UNC5D: variants seen among roughly 807,000 people sequenced by gnomAD.
UNC5D encodes netrin receptor UNC5D.
In UNC5D, 39 loss-of-function variants were observed where a neutral mutation model predicts 105.4. The observed-to-expected ratio is 0.37, with a 90% confidence interval of 0.29 to 0.48. UNC5D has a LOEUF of 0.48. Among genes scored for constraint, UNC5D ranks in the 20% least tolerant of loss-of-function variants. The probability of loss-of-function intolerance (pLI) is 0.98; values close to 1 mark genes in which losing one functional copy is unlikely to be tolerated. For missense variants in UNC5D, 991 were observed against 1,202.4 expected (o/e 0.82, Z 2.60); for synonymous variants, 452 against 450.4 (o/e 1.00, Z -0.04).
intron 1 of UNC5D, among the ~76,000 whole-genome samples, chr8:35,423,318 T>C (rs1269626049): frequency 1.3e-5 from 2 of 152,182 alleles, no homozygotes; most frequent in Non-Finnish European, 2.9e-5. Context: ...GGTTCTGCCC[T>C]ACAGATGCTG....
chr8:35,453,867 C>G (rs1444767031), intron 1 of UNC5D, among the ~76,000 whole-genome samples: 1 of 152,108 alleles, frequency 6.6e-6, no homozygotes, highest in East Asian at 1.9e-4. Flanking sequence ...AACCTCCTGC[C>G]CACACTCAGT....
chr8:35,461,280 G>A (rs574714922), intron 1 of UNC5D, among the ~76,000 whole-genome samples: 1 of 152,160 alleles, frequency 6.6e-6, no homozygotes, highest in African/African-American at 2.4e-5. Context: ...CTGTTGATGA[G>A]CTGGGGGCCT....
intron 14 of UNC5D, among the ~76,000 whole-genome samples, chr8:35,763,703 T>C (rs1229977673): frequency 6.6e-6 from 1 of 152,166 alleles, no homozygotes; most frequent in East Asian, 1.9e-4. Flanking sequence ...TTACTTTCAT[T>C]GAAGTGCATA....
At chr8:35,283,896 C>T (rs1806388335) in intron 1 of UNC5D, among the ~76,000 whole-genome samples, 1 of 152,134 alleles carries the variant, frequency 6.6e-6, no homozygotes, top group African/African-American at 2.4e-5. Flanking sequence ...TCAAAGTTCC[C>T]CACATAATTC....
At chr8:35,498,084 C>CAAAAAAAAAAAAAAA (rs58175711) in intron 1 of UNC5D, among the ~76,000 whole-genome samples, 18 of 58,190 alleles carry the variant, frequency 3.1e-4, no homozygotes, top group Non-Finnish European at 7.1e-4. Flanking sequence ...CAAAACAAAA[C>CAAAAAAAAAAAAAAA]AAAAAAAAAA....
chr8:35,549,599 C>A, intron 2 of UNC5D, 89 bp downstream of exon 2: 2 of 1,269,116 alleles, frequency 1.6e-6, no homozygotes, highest in Non-Finnish European at 2.2e-6. Context: ...AAATCACCCC[C>A]CATTGCCTTG....
chr8:35,744,200 G>C (rs35179102), intron 11 of UNC5D, among the ~76,000 whole-genome samples: 2,391 of 152,308 alleles, frequency 0.016, 26 homozygotes, highest in Non-Finnish European at 0.024. Flanking sequence ...GAATGTCACA[G>C]AAGTGACGCT....
intron 1 of UNC5D, among the ~76,000 whole-genome samples, chr8:35,427,560 TC>T (rs769328128): frequency 6.6e-6 from 1 of 152,216 alleles, no homozygotes; most frequent in Non-Finnish European, 1.5e-5. Context: ...TTGGCACTGT[TC>T]TTTGAAGAAT....
At chr8:35,546,299 C>T (rs1022041264) in intron 1 of UNC5D, among the ~76,000 whole-genome samples, 3 of 152,158 alleles carry the variant, frequency 2.0e-5, no homozygotes, top group Non-Finnish European at 4.4e-5. Context: ...GCTGAACGTG[C>T]TGCTTATCTA....
intron 2 of UNC5D, among the ~76,000 whole-genome samples, chr8:35,550,218 A>G (rs1348396962): frequency 6.6e-6 from 1 of 152,194 alleles, no homozygotes; most frequent in African/African-American, 2.4e-5. Flanking sequence ...CCTGCAGTAG[A>G]TAATGCTATT....
chr8:35,534,468 A>G (rs1456719301), intron 1 of UNC5D, among the ~76,000 whole-genome samples: 1 of 151,990 alleles, frequency 6.6e-6, no homozygotes, highest in Non-Finnish European at 1.5e-5. Context: ...CTCCTGTTTG[A>G]GAAACCTTGT....
At position 35,289,257 on chromosome 8, in the gene UNC5D, C is replaced by T. The variant is rs193044033; in HGVS notation, c.103+53370C>T. Among the ~76,000 whole-genome samples, 212 of 152,106 alleles carry T rather than the reference C, an allele frequency of 1.4e-3. 1 individual carries two copies. Among genetic ancestry groups the T allele is most frequent in the South Asian group, 1.7e-3 (8 of 4,812 alleles). ...TTAAGTAAAAAACAATAAAAAGAGACAAAGAAGTTTGTTACATAATGACAA... is the reference window on the plus strand; with the variant it reads ...TTAAGTAAAAAACAATAAAAAGAGATAAAGAAGTTTGTTACATAATGACAA... On this transcript the variant is annotated intron_variant, in intron 1 of 16. Transcript: ENST00000404895.
At chr8:35,345,807 A>C (rs755357172) in intron 1 of UNC5D, among the ~76,000 whole-genome samples, 5 of 152,040 alleles carry the variant, frequency 3.3e-5, no homozygotes, top group African/African-American at 4.8e-5. Context: ...CAAAGTGAGG[A>C]ACAGAGATTT....
At chr8:35,653,566 G>T (rs983356046) in intron 4 of UNC5D, among the ~76,000 whole-genome samples, 1 of 152,112 alleles carries the variant, frequency 6.6e-6, no homozygotes, top group Non-Finnish European at 1.5e-5. Context: ...CTAGCCAGTT[G>T]CTCCTGTGCA....
chr8:35,646,155 GT>G (rs1180733161), intron 4 of UNC5D, among the ~76,000 whole-genome samples: 1 of 152,092 alleles, frequency 6.6e-6, no homozygotes, highest in Non-Finnish European at 1.5e-5. Context: ...AGCACTTATT[GT>G]GTTGTCATTT....
At chr8:35,682,040 C>G (rs1204788783) in intron 4 of UNC5D, among the ~76,000 whole-genome samples, 1 of 152,190 alleles carries the variant, frequency 6.6e-6, no homozygotes, top group Non-Finnish European at 1.5e-5. Flanking sequence ...TCTCAGCTCA[C>G]TGTAACCTCT....
intron 1 of UNC5D, among the ~76,000 whole-genome samples, chr8:35,512,511 T>C (rs1197904949): frequency 3.7e-5 from 3 of 81,302 alleles, no homozygotes; most frequent in Non-Finnish European, 6.9e-5. Flanking sequence ...TATATATATC[T>C]GCATAGATTA....
At chr8:35,604,187 G>T (rs1347870865) in intron 4 of UNC5D, among the ~76,000 whole-genome samples, 3 of 152,124 alleles carry the variant, frequency 2.0e-5, no homozygotes, top group Non-Finnish European at 4.4e-5. Context: ...GGTACCGGTT[G>T]TTCCTTTCCA....
intron 4 of UNC5D, among the ~76,000 whole-genome samples, chr8:35,670,134 A>G (rs1486659609): frequency 6.6e-6 from 1 of 152,168 alleles, no homozygotes; most frequent in Non-Finnish European, 1.5e-5. Context: ...GTATTATAAA[A>G]ACAGGTGAAA....
Sources: allele counts gnomAD v4.1 joint callset (sites outside exome capture counted in the v4.1 genomes callset), GRCh38; gene constraint gnomAD v4.1.1; transcripts MANE v1.5; gene names NCBI Gene and HGNC (gene_info 2026-07-23, HGNC 2026-07-21).